Variants in AFG3L2 observed in about 807,000 individuals in gnomAD.
The protein encoded by AFG3L2 is mitochondrial inner membrane m-AAA protease component AFG3L2.
A neutral mutation model predicts 94.5 loss-of-function variants in AFG3L2; 54 were observed. That is an observed-to-expected ratio of 0.57 (90% CI 0.46 to 0.72). AFG3L2 has a LOEUF of 0.72. Ranked by LOEUF, AFG3L2 falls within the 30% of genes least tolerant of loss-of-function variation. AFG3L2 has a pLI of 0.00. For synonymous variants in AFG3L2, 377 were observed against 365.5 expected, an observed-to-expected ratio of 1.03 and a Z score of -0.36; for missense variants, 754 against 994.9, an observed-to-expected ratio of 0.76 and a Z score of 3.26.
chr18:12,340,397 G>C lies in AFG3L2; in HGVS notation c.1784C>G (p.Ser595Cys). Reference protein sequence around the residue: ...LEHADPLLKVSIIPRGKGLGY... With the variant: ...LEHADPLLKVCIIPRGKGLGY... Reference sequence around the variant, plus strand: ...TAGTCCTTTGCCACGTGGGATGATGGATACCTGGTAAGTAGAAAACAGTGT... The same window carrying C: ...TAGTCCTTTGCCACGTGGGATGATGCATACCTGGTAAGTAGAAAACAGTGT... Residue 595 changes from serine to cysteine, a missense_variant, in exon 15 of 17, where the codon TCC (serine) becomes TGC (cysteine). Coordinates refer to ENST00000269143, the MANE Select transcript of AFG3L2 (RefSeq NM_006796.3). The C allele has an allele frequency of 6.2e-7, 1 of 1,612,760 alleles. No homozygotes were observed. Among genetic ancestry groups the C allele is most frequent in the Non-Finnish European group, 8.5e-7 (1 of 1,178,772 alleles).
At chr18:12,364,166 T>C (rs1908740930) in intron 5 of AFG3L2, among the ~76,000 whole-genome samples, 1 of 152,238 alleles carries the variant, frequency 6.6e-6, no homozygotes. Context: ...AAAAATGGTC[T>C]TGTTTTATAT....
At chr18:12,338,543 A>G (rs1028722368) in intron 15 of AFG3L2, among the ~76,000 whole-genome samples, 3 of 152,154 alleles carry the variant, frequency 2.0e-5, no homozygotes, top group South Asian at 2.1e-4. Flanking sequence ...GAAGGCCCAG[A>G]TAAGAGTGGG....
At chr18:12,333,011 A>T (rs1390912404) in intron 16 of AFG3L2, among the ~76,000 whole-genome samples, 5 of 108,122 alleles carry the variant, frequency 4.6e-5, no homozygotes, top group African/African-American at 1.8e-4. Context: ...ATATAATATA[A>T]AATATATTAA....
intron 1 of AFG3L2, among the ~76,000 whole-genome samples, chr18:12,373,350 A>T (rs1463828970): frequency 6.6e-6 from 1 of 152,250 alleles, no homozygotes; most frequent in Non-Finnish European, 1.5e-5. Flanking sequence ...ACTCCAGGCC[A>T]GGTGCTGTCA....
chr18:12,356,477 T>C (rs1311835071), intron 9 of AFG3L2, among the ~76,000 whole-genome samples: 1 of 152,118 alleles, frequency 6.6e-6, no homozygotes, highest in Non-Finnish European at 1.5e-5. Context: ...TGGTCTACTA[T>C]AGGTAGCAGA....
intron 16 of AFG3L2, among the ~76,000 whole-genome samples, chr18:12,332,058 T>G (rs1907550135): frequency 6.6e-6 from 1 of 151,948 alleles, no homozygotes; most frequent in African/African-American, 2.4e-5. Flanking sequence ...AGTGTTTATG[T>G]TAGATCATAT....
chr18:12,370,507 G>A (rs1466022326), intron 3 of AFG3L2, among the ~76,000 whole-genome samples: 1 of 117,286 alleles, frequency 8.5e-6, no homozygotes, highest in Non-Finnish European at 1.7e-5. Context: ...GGGTCTCTCT[G>A]TTGCCCAGGC....
intron 9 of AFG3L2, among the ~76,000 whole-genome samples, chr18:12,354,515 A>T (rs1412273016): frequency 6.6e-6 from 1 of 152,142 alleles, no homozygotes; most frequent in East Asian, 1.9e-4. Flanking sequence ...CCCCAGCCTG[A>T]CTGCCACTAG....
chr18:12,348,454 G>C (rs1389858111), intron 12 of AFG3L2, 71 bp from the exon 13 acceptor site: 1 of 1,141,472 alleles, frequency 8.8e-7, no homozygotes, highest in Non-Finnish European at 1.3e-6. Context: ...AATATGGACA[G>C]CCAAATCCAT....
intron 13 of AFG3L2, among the ~76,000 whole-genome samples, chr18:12,347,975 G>C (rs541504626): frequency 1.3e-5 from 2 of 152,216 alleles, no homozygotes; most frequent in Admixed American, 6.5e-5. Flanking sequence ...TTCATGGGTA[G>C]ACACCTCGCT....
chr18:12,372,038 G>C (rs1301560619), intron 1 of AFG3L2, among the ~76,000 whole-genome samples: 4 of 152,210 alleles, frequency 2.6e-5, no homozygotes, highest in African/African-American at 9.7e-5. Context: ...AGGCGCAGTG[G>C]CTCACACCTG....
At chr18:12,344,774 C>T (rs565884072) in intron 13 of AFG3L2, among the ~76,000 whole-genome samples, 1 of 151,984 alleles carries the variant, frequency 6.6e-6, no homozygotes, top group South Asian at 2.1e-4. Flanking sequence ...GTTCAAAATA[C>T]AACTACAGCA....
chr18:12,348,357 C>T lies in AFG3L2; in HGVS notation c.1579G>A (p.Glu527Lys). The T allele has an allele frequency of 6.2e-7, 1 of 1,614,190 alleles. No homozygotes were observed. Among genetic ancestry groups the T allele is most frequent in the Non-Finnish European group, 8.5e-7 (1 of 1,180,028 alleles). The change falls in exon 13 of 17, where the codon GAA (glutamate) becomes AAA (lysine). Residue 527 changes from glutamate (E) to lysine (K), a missense_variant. By Grantham distance (56) the Glu-to-Lys change is moderately conservative. Coordinates refer to ENST00000269143, the MANE Select transcript of AFG3L2 (RefSeq NM_006796.3). ...SGADVANVCN[E>K]AALIAARHLS... is the part of the protein sequence containing the mutation. ...TGCCTTGCAGCAATCAACGCAGCTT[C>T]ATTACAGACATTAGCAACATCAGCA...
intron 14 of AFG3L2, chr18:12,342,913 A>G (rs796229638): frequency 9.9e-5 from 15 of 152,264 alleles, no homozygotes; most frequent in African/African-American, 3.6e-4. Context: ...GTAGCTGCAC[A>G]GTCTTAATAC....
intron 9 of AFG3L2, among the ~76,000 whole-genome samples, chr18:12,355,321 G>A (rs1908457908): frequency 6.6e-6 from 1 of 151,928 alleles, no homozygotes; most frequent in African/African-American, 2.4e-5. Context: ...ATATACAAAT[G>A]GCCAATAAGC....
At chr18:12,333,592 T>C (rs1490657059) in intron 16 of AFG3L2, among the ~76,000 whole-genome samples, 1 of 151,904 alleles carries the variant, frequency 6.6e-6, no homozygotes, top group Non-Finnish European at 1.5e-5. Flanking sequence ...CTCGAATTCC[T>C]GGGCTCAAGT....
chr18:12,365,561 T>C (rs902798427), intron 5 of AFG3L2, among the ~76,000 whole-genome samples: 3 of 152,228 alleles, frequency 2.0e-5, no homozygotes, highest in African/African-American at 4.8e-5. Context: ...TGTAAGCATT[T>C]TGGAATTCTG....
At position 12,344,247 on chromosome 18, in the gene AFG3L2, C is replaced by T; in HGVS notation, c.1664G>A (p.Gly555Asp). The T allele has an allele frequency of 6.2e-7, 1 of 1,613,102 alleles. No individual in the cohort carries two copies. Among genetic ancestry groups the T allele is most frequent in the Non-Finnish European group, 8.5e-7 (1 of 1,179,098 alleles). Residue 555 changes from glycine (G) to aspartate (D), a missense_variant and splice_region_variant, in exon 14 of 17, where the codon GGC becomes GAC. Coordinates refer to ENST00000269143, the MANE Select transcript of AFG3L2 (RefSeq NM_006796.3). Reference sequence around the variant, plus strand: ...CAGAACCTGCGTTTTCTTCTCTAAGCCTAACAAAATAACAACAAAAAAACC... The same window carrying T: ...CAGAACCTGCGTTTTCTTCTCTAAGTCTAACAAAATAACAACAAAAAAACC... Reference protein sequence around the residue: ...FEQAIERVIGGLEKKTQVLQP... With the variant: ...FEQAIERVIGDLEKKTQVLQP...
chr18:12,333,304 T>A (rs1157227913), intron 16 of AFG3L2, among the ~76,000 whole-genome samples: 3 of 130,432 alleles, frequency 2.3e-5, no homozygotes. Context: ...AAATATATAT[T>A]ATATATTATA....
Sources: gnomAD v4.1 joint callset for allele counts (sites outside exome capture counted in the v4.1 genomes callset) on GRCh38, gnomAD v4.1.1 for gene constraint, MANE v1.5 for transcripts, NCBI Gene and HGNC (gene_info 2026-07-23, HGNC 2026-07-21) for gene names.